Variants in PCDH11X observed in about 807,000 individuals in gnomAD.
PCDH11X encodes the protein protocadherin 11 X-linked, also known as protocadherin-11 X-linked.
In PCDH11X, 18 loss-of-function variants were observed where a neutral mutation model predicts 53.3. The observed-to-expected ratio is 0.34, with a 90% CI of 0.23 to 0.50. The LOEUF is 0.50. Ranked by LOEUF, PCDH11X falls within the 20% of genes least tolerant of loss-of-function variation. The pLI is 0.98. For missense variants in PCDH11X, 570 were observed against 1,032.4 expected, an observed-to-expected ratio of 0.55 and a Z score of 6.14; for synonymous variants, 279 against 393.3, an observed-to-expected ratio of 0.71 and a Z score of 3.44.
intron 6 of PCDH11X, among the ~76,000 whole-genome samples, chrX:92,051,780 G>T (rs2063370882): frequency 9.0e-6 from 1 of 111,031 alleles, no homozygotes; most frequent in Admixed American, 9.6e-5. Flanking sequence ...ATAATAAAAA[G>T]AACATTTTTG....
At chrX:92,206,416 G>C (rs1416344328) in intron 7 of PCDH11X, among the ~76,000 whole-genome samples, 2 of 111,945 alleles carry the variant, frequency 1.8e-5, no homozygotes, top group Non-Finnish European at 3.8e-5. Context: ...AATTATTTCT[G>C]TTCCTCCACT....
intron 6 of PCDH11X, among the ~76,000 whole-genome samples, chrX:91,921,306 A>C (rs2147819767): frequency 9.0e-6 from 1 of 110,846 alleles, no homozygotes; most frequent in African/African-American, 3.3e-5. Context: ...TGATGAATTT[A>C]CACATCAATA....
intron 6 of PCDH11X, among the ~76,000 whole-genome samples, chrX:91,972,735 G>A (rs1480740245): frequency 9.2e-6 from 1 of 108,597 alleles, no homozygotes; most frequent in African/African-American, 3.4e-5. Context: ...TTTTTCTCAG[G>A]TTTGTCAAAG....
At chrX:92,340,691 G>A (rs2069735216) in intron 8 of PCDH11X, among the ~76,000 whole-genome samples, 1 of 112,082 alleles carries the variant, frequency 8.9e-6, no homozygotes, top group Admixed American at 9.4e-5. Flanking sequence ...CCCTGGTCCT[G>A]GCACACAAAA....
At chrX:92,467,273 A>G (rs777727451) in intron 9 of PCDH11X, among the ~76,000 whole-genome samples, 1 of 111,394 alleles carries the variant, frequency 9.0e-6, no homozygotes, top group Admixed American at 9.6e-5. Flanking sequence ...ATTGATCCTT[A>G]TTAGTGCATA....
chrX:92,245,296 G>A (rs963593500), intron 7 of PCDH11X, among the ~76,000 whole-genome samples: 2 of 111,932 alleles, frequency 1.8e-5, no homozygotes, highest in Non-Finnish European at 3.8e-5. Context: ...TTTTATTTCT[G>A]TATTATGGAA....
At chrX:92,584,589 G>T (rs932000811) in intron 10 of PCDH11X, among the ~76,000 whole-genome samples, 11 of 109,652 alleles carry the variant, frequency 1.0e-4, no homozygotes, top group African/African-American at 3.6e-4. Flanking sequence ...AAATAGTTCT[G>T]TGTTTATTAA....
At chrX:92,226,343 T>C (rs762616216) in intron 7 of PCDH11X, among the ~76,000 whole-genome samples, 1 of 111,441 alleles carries the variant, frequency 9.0e-6, no homozygotes, top group South Asian at 3.8e-4. Context: ...TAATTTAATG[T>C]TAATAGATCG....
At chrX:91,988,530 A>G (rs1203583745) in intron 6 of PCDH11X, among the ~76,000 whole-genome samples, 1 of 112,641 alleles carries the variant, frequency 8.9e-6, no homozygotes, top group Non-Finnish European at 1.9e-5. Flanking sequence ...CAGTAATTAC[A>G]TTACCTATGA....
At chrX:92,450,738 T>C (rs62598699) in intron 9 of PCDH11X, among the ~76,000 whole-genome samples, 10,607 of 101,868 alleles carry the variant, frequency 0.1, 505 homozygotes, top group Middle Eastern at 0.15. Context: ...GAAGCAATTA[T>C]TTTTATATTA....
intron 6 of PCDH11X, among the ~76,000 whole-genome samples, chrX:92,184,276 T>C (rs2066052086): frequency 8.9e-6 from 1 of 112,132 alleles, no homozygotes; most frequent in Admixed American, 9.5e-5. Flanking sequence ...CTCATATGTC[T>C]TCGTTTATCA....
chrX:92,175,516 T>C (rs1237548810), intron 6 of PCDH11X, among the ~76,000 whole-genome samples: 1 of 109,609 alleles, frequency 9.1e-6, no homozygotes, highest in Non-Finnish European at 1.9e-5. Flanking sequence ...GTTAAAAAAA[T>C]TTTCTAAATT....
At chrX:92,366,932 A>T (rs760890465) in intron 8 of PCDH11X, among the ~76,000 whole-genome samples, 1 of 110,663 alleles carries the variant, frequency 9.0e-6, no homozygotes, top group Non-Finnish European at 1.9e-5. Context: ...CAGTTTTAGA[A>T]TAAGTGCTAT....
chrX:91,965,448 A>G (rs1042861509), intron 6 of PCDH11X, among the ~76,000 whole-genome samples: 1 of 109,929 alleles, frequency 9.1e-6, no homozygotes, highest in Non-Finnish European at 1.9e-5. Flanking sequence ...CAAAATAACA[A>G]TTAGAGGCCA....
intron 8 of PCDH11X, among the ~76,000 whole-genome samples, chrX:92,269,141 G>A (rs751186312): frequency 9.0e-6 from 1 of 111,107 alleles, no homozygotes; most frequent in Admixed American, 9.6e-5. Flanking sequence ...CCATTCAGTA[G>A]GTTCTCCAAT....
chrX:92,245,264 G>A (rs767108591), intron 7 of PCDH11X, among the ~76,000 whole-genome samples: 239 of 112,259 alleles, frequency 2.1e-3, no homozygotes, highest in African/African-American at 7.6e-3. Context: ...TCAAGACTTC[G>A]TGGATCACTC....
intron 7 of PCDH11X, 32 bp from the exon 8 acceptor site, chrX:92,263,082 G>T: frequency 2.6e-6 from 3 of 1,160,975 alleles, no homozygotes; most frequent in Non-Finnish European, 3.5e-6. Context: ...ATTTTCCTTT[G>T]CTTCCCTTGC....
intron 6 of PCDH11X, among the ~76,000 whole-genome samples, chrX:91,908,162 T>A (rs1325656529): frequency 9.0e-6 from 1 of 111,516 alleles, no homozygotes; most frequent in Non-Finnish European, 1.9e-5. Context: ...GAAGCAAAAA[T>A]CAACAAATGG....
chrX:92,356,051 A>G (rs1416843279), intron 8 of PCDH11X, among the ~76,000 whole-genome samples: 3 of 111,974 alleles, frequency 2.7e-5, no homozygotes, highest in East Asian at 2.8e-4. Flanking sequence ...TTCTGTGTCA[A>G]TGCTCCTGGT....
Sources: allele counts gnomAD v4.1 joint callset (sites outside exome capture counted in the v4.1 genomes callset), GRCh38; gene constraint gnomAD v4.1.1; transcripts MANE v1.5; gene names NCBI Gene and HGNC (gene_info 2026-07-23, HGNC 2026-07-21).